Variants in ALDH2 observed in about 807,000 individuals in gnomAD.
ALDH2 encodes the protein aldehyde dehydrogenase 2 family member, also known as aldehyde dehydrogenase, mitochondrial.
Under a neutral mutation model 59.6 loss-of-function variants are expected in ALDH2, and 44 were observed. That is an observed-to-expected ratio of 0.74 (90% CI 0.58 to 0.95). The LOEUF is 0.95. ALDH2 is among the 40% of genes least tolerant of loss of function. The pLI is 0.00. For missense variants in ALDH2, 570 were observed against 696.3 expected (o/e 0.82, Z 2.04); for synonymous variants, 291 against 284.0 (o/e 1.02, Z -0.25).
chr12:111,783,549 G>A (rs79463616), intron 3 of ALDH2, among the ~76,000 whole-genome samples: 27,102 of 152,016 alleles, frequency 0.18, 2,505 homozygotes, highest in Middle Eastern at 0.27. Context: ...TCACTCTGTC[G>A]CCTAGGCTGG....
intron 12 of ALDH2, among the ~76,000 whole-genome samples, chr12:111,807,143 A>G (rs1232923906): frequency 3.3e-5 from 5 of 151,434 alleles, no homozygotes; most frequent in African/African-American, 4.9e-5. Context: ...AGTGCCTGTA[A>G]TCCCAGCTAC....
chr12:111,783,383 C>T (rs567485403), intron 3 of ALDH2, 85 bp downstream of exon 3: 1 of 1,485,088 alleles, frequency 6.7e-7, no homozygotes, highest in Non-Finnish European at 9.1e-7. Flanking sequence ...ACCAAGCATC[C>T]TGTGAACAGC....
chr12:111,815,348 C>A lies in ALDH2; in HGVS notation c.*5773C>A, dbSNP rs569858000. ...GCCTCAGCCTCCCAAATAGCTGGTA[C>A]TACAAGCATGTGCCACCACAGTCAG... On this transcript the variant is annotated 3_prime_UTR_variant, in exon 13 of 13. Coordinates refer to ENST00000261733, the MANE Select transcript of ALDH2 (RefSeq NM_000690.4). 2.0e-5 allele frequency: 3 copies of A among 152,292 alleles called. No homozygotes were observed. The highest frequency in any genetic ancestry group is 4.4e-5 in the Non-Finnish European group (3 of 68,066). 9.4% of individuals were successfully genotyped at this position (152,292 alleles called of 1,614,324 possible).
chr12:111,792,870 G>A, intron 9 of ALDH2, 88 bp downstream of exon 9: 1 of 1,394,662 alleles, frequency 7.2e-7, no homozygotes, highest in Non-Finnish European at 9.6e-7. Context: ...TTGGGACTGG[G>A]TTCAGGTCTC....
chr12:111,796,707 A>G (rs768046978), intron 9 of ALDH2, among the ~76,000 whole-genome samples: 7 of 152,100 alleles, frequency 4.6e-5, no homozygotes, highest in Non-Finnish European at 7.3e-5. Flanking sequence ...GGAGTTAGAT[A>G]CTAGCCTGGG....
chr12:111,809,597 T>G lies in ALDH2; in HGVS notation c.*22T>G, dbSNP rs1341356719. The G allele has an allele frequency of 6.2e-7, 1 of 1,613,690 alleles. No homozygotes were observed. Among genetic ancestry groups the G allele is most frequent in the East Asian group, 2.2e-5 (1 of 44,882 alleles). ...ATAAGAATCATGCAAGCTTCCTCCC[T>G]CAGCCATTGATGGAAAGTTCAGCAA... is the stretch of plus-strand genomic sequence containing the variant. On this transcript the variant is annotated 3_prime_UTR_variant, in exon 13 of 13. Coordinates refer to ENST00000261733, the MANE Select transcript of ALDH2 (RefSeq NM_000690.4).
At chr12:111,786,778 C>T (rs2068313292) in intron 4 of ALDH2, among the ~76,000 whole-genome samples, 1 of 152,012 alleles carries the variant, frequency 6.6e-6, no homozygotes, top group Admixed American at 6.6e-5. Flanking sequence ...GACTCCTGGG[C>T]TCAAGTGATC....
intron 1 of ALDH2, among the ~76,000 whole-genome samples, chr12:111,781,438 G>C (rs1360414842): frequency 6.6e-6 from 1 of 152,208 alleles, no homozygotes; most frequent in African/African-American, 2.4e-5. Context: ...ATGCAGTCAG[G>C]AAGCCCAAGC....
chr12:111,782,117 C>T, intron 2 of ALDH2, 95 bp downstream of exon 2: 1 of 916,910 alleles, frequency 1.1e-6, no homozygotes, highest in Middle Eastern at 2.2e-4. Flanking sequence ...ATGTGTATTA[C>T]TTTCACAAGT....
rs1311536180 is a variant in ALDH2, at chr12:111,815,772, T to C, written c.*6197T>C. The C allele has an allele frequency of 7.8e-6, 1 of 128,232 alleles. No individual in the cohort carries two copies. The highest frequency in any genetic ancestry group is 3.4e-5 in the African/African-American group (1 of 29,304). 7.9% of individuals were successfully genotyped at this position (128,232 alleles called of 1,614,324 possible). The stretch of plus-strand genomic sequence containing the variant: ...TTATAGGCGTGCACTACCATGCATA[T>C]ATATATATATTTTTTTTTTTTTTTG... On this transcript the variant is annotated 3_prime_UTR_variant, in exon 13 of 13. Transcript: ENST00000261733.
chr12:111,767,207 G>A, intron 1 of ALDH2, 111 bp downstream of exon 1: 1 of 886,338 alleles, frequency 1.1e-6, no homozygotes, highest in Non-Finnish European at 1.6e-6. Context: ...GGGGCTCGAG[G>A]GGTTTGCAGA....
chr12:111,801,861 G>A (rs1042846441), intron 11 of ALDH2, among the ~76,000 whole-genome samples: 1 of 152,114 alleles, frequency 6.6e-6, no homozygotes, highest in Non-Finnish European at 1.5e-5. Context: ...CTGGGCACAG[G>A]GCTTCTTTCA....
Position 111,792,069 on chromosome 12 carries a change from C to A in ALDH2, c.804C>A (p.Arg268=), listed in dbSNP as rs538246934. The change falls in exon 8 of 13, where the codon CGC becomes CGA. Residue 268 remains arginine, a synonymous_variant. Transcript: ENST00000261733. ...TCTTTCTGTCCCCACAGATTGGCCG[C>A]GTAATCCAGGTTGCTGCTGGGAGCA... ...VAFTGSTEIG[R]VIQVAAGSSN... 9 of 1,610,140 alleles carry A rather than the reference C, an allele frequency of 5.6e-6. No homozygotes were observed. Among genetic ancestry groups the A allele is most frequent in the Non-Finnish European group, 7.6e-6 (9 of 1,177,768 alleles).
At chr12:111,783,614 A>G (rs2068289588) in intron 3 of ALDH2, among the ~76,000 whole-genome samples, 1 of 152,100 alleles carries the variant, frequency 6.6e-6, no homozygotes, top group Non-Finnish European at 1.5e-5. Flanking sequence ...GGTTCAAGTG[A>G]TTCTCCTGCC....
chr12:111,791,586 G>T (rs1314579230), intron 7 of ALDH2, among the ~76,000 whole-genome samples, 167 bp downstream of exon 7: 1 of 152,182 alleles, frequency 6.6e-6, no homozygotes. Context: ...GCCCTTCGTG[G>T]TCTGGTTGCC....
At chr12:111,806,557 A>C (rs1013003864) in intron 12 of ALDH2, among the ~76,000 whole-genome samples, 5 of 152,224 alleles carry the variant, frequency 3.3e-5, no homozygotes, top group African/African-American at 1.2e-4. Flanking sequence ...CCACAGTGCC[A>C]AGCCTGAGAC....
rs959923539 is a variant in ALDH2, at chr12:111,781,801, C to T, written c.115-117C>T. The stretch of plus-strand genomic sequence containing the variant: ...GCCTGTGCTTTTCATTTGTAGGCTA[C>T]ACCACTCTGAAATTAATTCATATTT... On this transcript the variant is annotated intron_variant, in intron 1 of 12. Coordinates refer to ENST00000261733, the MANE Select transcript of ALDH2 (RefSeq NM_000690.4). The T allele has an allele frequency of 4.1e-6, 3 of 737,918 alleles. No homozygotes were observed. In the African/African-American group the frequency reaches 5.3e-5, roughly 13 times the overall value. 45.7% of individuals were successfully genotyped at this position (737,918 alleles called of 1,614,324 possible). A position where few individuals can be genotyped will look rare whatever the true frequency, so the allele number is the denominator to read the frequency against.
chr12:111,787,871 A>G (rs1337118345), intron 4 of ALDH2, among the ~76,000 whole-genome samples: 1 of 151,638 alleles, frequency 6.6e-6, no homozygotes, highest in Non-Finnish European at 1.5e-5. Flanking sequence ...CTCTACTAAA[A>G]ATATATATAT....
chr12:111,794,615 T>C (rs1246522136), intron 9 of ALDH2, among the ~76,000 whole-genome samples: 3 of 152,136 alleles, frequency 2.0e-5, no homozygotes, highest in African/African-American at 4.8e-5. Flanking sequence ...CAAGTGATCC[T>C]CCTGCTTCAG....
Sources: gnomAD v4.1 joint callset for allele counts (sites outside exome capture counted in the v4.1 genomes callset) on GRCh38, gnomAD v4.1.1 for gene constraint, MANE v1.5 for transcripts, NCBI Gene and HGNC (gene_info 2026-07-23, HGNC 2026-07-21) for gene names.